PUS7: variants seen among roughly 807,000 people sequenced by gnomAD.
PUS7 encodes pseudouridine synthase 7.
Under a neutral mutation model 79.8 loss-of-function variants are expected in PUS7, and 48 were observed. That is an observed-to-expected ratio of 0.60 (90% CI 0.48 to 0.76). The LOEUF (loss-of-function observed/expected upper bound fraction) is 0.76, where lower values mean the gene tolerates loss of function less well. Ranked by LOEUF, PUS7 falls within the 30% of genes least tolerant of loss-of-function variation. The probability of loss-of-function intolerance (pLI) is 0.00; values close to 1 mark genes in which losing one functional copy is unlikely to be tolerated. For missense variants in PUS7, 729 were observed against 797.6 expected, an observed-to-expected ratio of 0.91 and a Z score of 1.04; for synonymous variants, 286 against 272.2, an observed-to-expected ratio of 1.05 and a Z score of -0.50.
At position 105,462,676 on chromosome 7, in the gene PUS7, A is replaced by C; in HGVS notation, c.1702T>G (p.Tyr568Asp). 6.2e-7 allele frequency: 1 copy of C among 1,613,974 alleles called. No homozygotes were observed. The highest frequency in any genetic ancestry group is 8.5e-7 in the Non-Finnish European group (1 of 1,179,948). ...TTTCGGTAGGCCCCTGACAAGGAAT[A>C]ATCTCGAATTTTGTGTCTCATGTTG... is the stretch of plus-strand genomic sequence containing the variant. Reference protein sequence around the residue: ...IDNMRHKIRDYSLSGAYRKII... With the variant: ...IDNMRHKIRDDSLSGAYRKII... The change falls in exon 14 of 16, where the codon TAT becomes GAT. Residue 568 changes from tyrosine (Y) to aspartate (D), a missense_variant. By Grantham distance (160) the Tyr-to-Asp change is radical. Transcript: ENST00000469408.
Position 105,459,182 on chromosome 7 carries a change from G to A in PUS7, c.1835C>T (p.Pro612Leu). Reference sequence around the variant, plus strand: ...AGTAAACTTACCAGAAGCAAAAACTGGTGGTGTCTTCCCTTCTAGGTTGTC... The same window carrying A: ...AGTAAACTTACCAGAAGCAAAAACTAGTGGTGTCTTCCCTTCTAGGTTGTC... The part of the protein sequence containing the change: ...DVDNLEGKTP[P>L]VFASEGKYRA... The change falls in exon 15 of 16, where the codon CCA (proline) becomes CTA (leucine). Residue 612 changes from proline to leucine, a missense_variant. Pro to Leu is a moderately conservative substitution (Grantham distance 98). Coordinates refer to ENST00000469408, the MANE Select transcript of PUS7 (RefSeq NM_019042.5). 6.2e-7 allele frequency: 1 copy of A among 1,608,084 alleles called. No homozygotes were observed. Among genetic ancestry groups the A allele is most frequent in the Non-Finnish European group, 8.5e-7 (1 of 1,176,152 alleles).
intron 8 of PUS7, among the ~76,000 whole-genome samples, chr7:105,481,808 G>C (rs781689810): frequency 2.6e-5 from 4 of 150,996 alleles, no homozygotes; most frequent in Non-Finnish European, 5.9e-5. Context: ...TCGGCTCACT[G>C]CAAGTTCTGC....
At chr7:105,488,168 G>A (rs1824632009) in intron 7 of PUS7, among the ~76,000 whole-genome samples, 1 of 152,172 alleles carries the variant, frequency 6.6e-6, no homozygotes, top group Admixed American at 6.5e-5. Flanking sequence ...CTGATGAAGT[G>A]TGACATCTGC....
intron 14 of PUS7, among the ~76,000 whole-genome samples, chr7:105,459,716 C>T (rs943164256): frequency 2.0e-5 from 3 of 151,912 alleles, no homozygotes; most frequent in South Asian, 2.1e-4. Flanking sequence ...GGGATTATAA[C>T]GTGAGCCACT....
At chr7:105,509,359 A>G (rs1318452692) in intron 1 of PUS7, among the ~76,000 whole-genome samples, 1 of 152,128 alleles carries the variant, frequency 6.6e-6, no homozygotes, top group Non-Finnish European at 1.5e-5. Context: ...CATCATCACA[A>G]GCCTTAAAAA....
chr7:105,483,407 C>T lies in PUS7; in HGVS notation c.921-967G>A, dbSNP rs186665213. ...CTTGAACTCCTGACCTCAGGTGATC[C>T]GCCCGCCTCGGCCTCCCAAAGTGCT... On this transcript the variant is annotated intron_variant, in intron 7 of 15. Transcript: ENST00000469408. Among the ~76,000 whole-genome samples, 80 of 152,140 alleles carry T rather than the reference C, an allele frequency of 5.3e-4. 2 individuals carry two copies. In the East Asian group the frequency reaches 0.013, roughly 25 times the overall value.
Position 105,508,283 on chromosome 7 carries a change from T to C in PUS7, c.230A>G (p.Gln77Arg). 3 of 1,614,190 alleles carry C rather than the reference T, an allele frequency of 1.9e-6. No homozygotes were observed. The highest frequency in any genetic ancestry group is 1.7e-6 in the Non-Finnish European group (2 of 1,180,028). ...TGKGGKNSEA[Q>R]LEDEEEEEED... ...CTCCTCTTCTTCCTCATCTTCCAACTGAGCCTCAGAATTCTTTCCACCTTT... is the reference window on the plus strand; with the variant it reads ...CTCCTCTTCTTCCTCATCTTCCAACCGAGCCTCAGAATTCTTTCCACCTTT... Residue 77 changes from glutamine to arginine, a missense_variant, in exon 2 of 16, where the codon CAG (glutamine) becomes CGG (arginine). Gln to Arg is a conservative substitution (Grantham distance 43). Coordinates refer to ENST00000469408, the MANE Select transcript of PUS7 (RefSeq NM_019042.5).
intron 7 of PUS7, among the ~76,000 whole-genome samples, chr7:105,489,323 G>T (rs182136402): frequency 6.6e-6 from 1 of 151,696 alleles, no homozygotes; most frequent in African/African-American, 2.4e-5. Context: ...TCTATCCACA[G>T]AGGATGAGAA....
chr7:105,505,003 A>ATTTTTTTTTTTTTTTTTTTTTTTT (rs112752687), intron 4 of PUS7, among the ~76,000 whole-genome samples: 48 of 142,648 alleles, frequency 3.4e-4, no homozygotes, highest in Middle Eastern at 3.6e-3. Context: ...ATTTAACATA[A>ATTTTTTTTTTTTTTTTTTTTTTTT]TTTTTTTTTT....
At chr7:105,505,795 G>A (rs1169707343) in intron 4 of PUS7, among the ~76,000 whole-genome samples, 160 bp downstream of exon 4, 1 of 152,052 alleles carries the variant, frequency 6.6e-6, no homozygotes, top group Non-Finnish European at 1.5e-5. Flanking sequence ...CTAGTTATCT[G>A]CCCCAGTAAA....
At chr7:105,499,354 A>G (rs552221643) in intron 5 of PUS7, among the ~76,000 whole-genome samples, 8 of 152,250 alleles carry the variant, frequency 5.3e-5, no homozygotes, top group Non-Finnish European at 5.9e-5. Flanking sequence ...CTGAGTCTCT[A>G]TGGATTCCTA....
intron 1 of PUS7, among the ~76,000 whole-genome samples, chr7:105,516,307 C>T (rs904258575): frequency 6.6e-6 from 1 of 152,124 alleles, no homozygotes; most frequent in African/African-American, 2.4e-5. Context: ...ATATATTTTT[C>T]TAAGTTCTGT....
intron 9 of PUS7, among the ~76,000 whole-genome samples, chr7:105,475,402 G>A (rs1222646389): frequency 2.0e-5 from 3 of 151,754 alleles, no homozygotes; most frequent in South Asian, 4.2e-4. Flanking sequence ...AGCCAGGATG[G>A]TCTCGATCTC....
intron 1 of PUS7, among the ~76,000 whole-genome samples, chr7:105,519,553 T>C (rs1394293079): frequency 6.6e-6 from 1 of 152,192 alleles, no homozygotes; most frequent in African/African-American, 2.4e-5. Flanking sequence ...GCAGACACAC[T>C]GCATTCTAAT....
At chr7:105,520,352 G>A (rs968845116) in intron 1 of PUS7, among the ~76,000 whole-genome samples, 2 of 151,674 alleles carry the variant, frequency 1.3e-5, no homozygotes, top group African/African-American at 4.9e-5. Context: ...CCAGCTACTC[G>A]GGAGGCTGAG....
At chr7:105,480,951 C>A in intron 9 of PUS7, 101 bp downstream of exon 9, 1 of 1,349,224 alleles carries the variant, frequency 7.4e-7, no homozygotes. Flanking sequence ...TCATTTGCCC[C>A]AGACATGGGA....
Position 105,459,105 on chromosome 7 carries a change from T to C in PUS7, c.1849+63A>G, listed in dbSNP as rs1047113307. 7.3e-6 allele frequency: 8 copies of C among 1,101,818 alleles called. No individual in the cohort carries two copies. The African/African-American group carries it at 1.3e-4, about 18-fold the overall frequency. 68.3% of individuals were successfully genotyped at this position (1,101,818 alleles called of 1,614,324 possible). ...TGTAAGAGCAGTTTTCAAAAAAAAA[T>C]TATGTTTTTGTTTAACAAAACATTT... On this transcript the variant is annotated intron_variant, in intron 15 of 15. Coordinates refer to ENST00000469408, the MANE Select transcript of PUS7 (RefSeq NM_019042.5).
At chr7:105,460,804 A>C (rs1823392478) in intron 14 of PUS7, among the ~76,000 whole-genome samples, 1 of 145,148 alleles carries the variant, frequency 6.9e-6, no homozygotes, top group African/African-American at 2.6e-5. Flanking sequence ...CAGTGAGCCG[A>C]GATCGCGCCA....
At chr7:105,497,817 A>G (rs1247880068) in intron 5 of PUS7, among the ~76,000 whole-genome samples, 1 of 152,222 alleles carries the variant, frequency 6.6e-6, no homozygotes, top group South Asian at 2.1e-4. Context: ...CAATAAAACA[A>G]CAGAATGTTG....
Sources: allele counts gnomAD v4.1 joint callset (sites outside exome capture counted in the v4.1 genomes callset), GRCh38; gene constraint gnomAD v4.1.1; transcripts MANE v1.5; gene names NCBI Gene and HGNC (gene_info 2026-07-23, HGNC 2026-07-21).